MECOM: variants seen among roughly 807,000 people sequenced by gnomAD.
The protein encoded by MECOM is MDS1 and EVI1 complex locus.
A neutral mutation model predicts 116.3 loss-of-function variants in MECOM; 13 were observed. The ratio of observed to expected loss-of-function variants is 0.11; its 90% CI spans 0.07 to 0.18. The LOEUF (loss-of-function observed/expected upper bound fraction) is 0.18, where lower values mean the gene tolerates loss of function less well. Ranked by LOEUF, MECOM falls within the 10% of genes least tolerant of loss-of-function variation. The pLI, the probability that MECOM is intolerant of heterozygous loss-of-function variation, is 1.00. For synonymous variants in MECOM, 528 were observed against 535.2 expected (o/e 0.99, Z 0.19); for missense variants, 1,299 against 1,509.0 (o/e 0.86, Z 2.31).
chr3:169,237,751 C>G (rs1253910456), intron 2 of MECOM, among the ~76,000 whole-genome samples: 1 of 151,886 alleles, frequency 6.6e-6, no homozygotes, highest in Non-Finnish European at 1.5e-5. Flanking sequence ...AGTAAATATA[C>G]TAGCTAACTT....
At chr3:169,615,549 T>C (rs1769894752) in intron 1 of MECOM, among the ~76,000 whole-genome samples, 1 of 152,200 alleles carries the variant, frequency 6.6e-6, no homozygotes, top group Non-Finnish European at 1.5e-5. Context: ...CAAAAATCCA[T>C]AAGATTACTC....
chr3:169,319,558 A>AT (rs1472702188), intron 2 of MECOM, among the ~76,000 whole-genome samples: 1 of 104,624 alleles, frequency 9.6e-6, no homozygotes, highest in Non-Finnish European at 1.8e-5. Context: ...TTAAAGTATA[A>AT]TAAAAAAAAA....
At chr3:169,197,563 C>T (rs1748600820) in intron 2 of MECOM, among the ~76,000 whole-genome samples, 2 of 151,854 alleles carry the variant, frequency 1.3e-5, no homozygotes, top group African/African-American at 4.8e-5. Context: ...ACTTCAAATG[C>T]TATGCTTTTA....
intron 9 of MECOM, among the ~76,000 whole-genome samples, chr3:169,112,401 G>A (rs576123394): frequency 4.6e-5 from 7 of 152,148 alleles, no homozygotes; most frequent in East Asian, 3.9e-4. Flanking sequence ...ATCTAAGCCC[G>A]AAAAGAACAA....
intron 1 of MECOM, among the ~76,000 whole-genome samples, chr3:169,455,717 A>G (rs554354227): frequency 2.7e-4 from 41 of 152,332 alleles, no homozygotes; most frequent in African/African-American, 7.7e-4. Context: ...GAGAGCTCAT[A>G]TAACCTGCCA....
intron 1 of MECOM, among the ~76,000 whole-genome samples, chr3:169,475,619 G>A (rs942680900): frequency 1.6e-4 from 24 of 151,702 alleles, no homozygotes; most frequent in African/African-American, 5.6e-4. Flanking sequence ...GTCTTAAATC[G>A]GGTAGAAAAG....
intron 1 of MECOM, among the ~76,000 whole-genome samples, chr3:169,472,606 AG>A (rs1306431652): frequency 1.4e-5 from 1 of 72,132 alleles, no homozygotes; most frequent in Non-Finnish European, 2.5e-5. Flanking sequence ...AGGAAAGGAA[AG>A]GAAAGGAAAG....
chr3:169,540,217 G>T (rs1489357649), intron 1 of MECOM, among the ~76,000 whole-genome samples: 1 of 152,124 alleles, frequency 6.6e-6, no homozygotes, highest in East Asian at 1.9e-4. Context: ...TTCCTCTTCT[G>T]CTGTTACCTC....
intron 2 of MECOM, among the ~76,000 whole-genome samples, chr3:169,174,020 G>A (rs1180970409): frequency 2.0e-5 from 3 of 152,116 alleles, no homozygotes; most frequent in Non-Finnish European, 4.4e-5. Context: ...TTTGGCAAAT[G>A]TCTCTTTGCC....
chr3:169,109,946 T>A (rs1726785592), intron 9 of MECOM, among the ~76,000 whole-genome samples: 1 of 152,170 alleles, frequency 6.6e-6, no homozygotes, highest in Admixed American at 6.5e-5. Context: ...GCATCCTTCT[T>A]TCTTTTCCCT....
At position 169,090,122 on chromosome 3, in the gene MECOM, G is replaced by C; in HGVS notation, c.3279C>G (p.Asp1093Glu). ...DEVLLDEEDE[D>E]NDITGKTGKE... ...TTCCTGTTTTTCCAGTAATATCATT[G>C]TCTTCATCCTCCTCATCTAACAACA... The change falls in exon 15 of 17, where the codon GAC (aspartate) becomes GAG (glutamate). Residue 1093 changes from aspartate to glutamate, a missense_variant. By Grantham distance (45) the Asp-to-Glu change is conservative. Around this residue, in one of 6 missense-constraint regions of MECOM, gnomAD observed 273 missense variants for 289.3 expected, o/e 0.94. Coordinates refer to ENST00000651503, the MANE Select transcript of MECOM (RefSeq NM_004991.4). 6.2e-7 allele frequency: 1 copy of C among 1,612,844 alleles called. No individual in the cohort carries two copies. The highest frequency in any genetic ancestry group is 1.1e-5 in the South Asian group (1 of 91,018).
At chr3:169,343,394 A>G (rs1463960303) in intron 2 of MECOM, among the ~76,000 whole-genome samples, 3 of 152,240 alleles carry the variant, frequency 2.0e-5, no homozygotes, top group East Asian at 3.9e-4. Context: ...AGCTGCTTGA[A>G]AAGTGCAGTG....
chr3:169,137,961 G>A (rs1736873211), intron 3 of MECOM, among the ~76,000 whole-genome samples: 1 of 152,072 alleles, frequency 6.6e-6, no homozygotes. Context: ...TGTCTTTAAT[G>A]TGGTCATTTC....
At chr3:169,330,475 A>G (rs1314703399) in intron 2 of MECOM, among the ~76,000 whole-genome samples, 2 of 152,192 alleles carry the variant, frequency 1.3e-5, no homozygotes. Context: ...TGAGTTCCAC[A>G]GTAGAATTCA....
chr3:169,484,115 C>T, intron 1 of MECOM: 1 of 819,334 alleles, frequency 1.2e-6, no homozygotes, highest in South Asian at 1.5e-5. Flanking sequence ...TTCAATTTCT[C>T]TAGTAAACAA....
chr3:169,208,572 G>A (rs901505757), intron 2 of MECOM, among the ~76,000 whole-genome samples: 10 of 151,690 alleles, frequency 6.6e-5, no homozygotes, highest in African/African-American at 1.9e-4. Context: ...GACATATTTA[G>A]GCATATTTTA....
chr3:169,192,067 T>C (rs1053568668), intron 2 of MECOM, among the ~76,000 whole-genome samples: 2 of 152,040 alleles, frequency 1.3e-5, no homozygotes, highest in African/African-American at 4.8e-5. Context: ...TTTACTGGAC[T>C]GTTAAGGAAC....
chr3:169,367,348 A>ATTT (rs1393266824), intron 2 of MECOM, among the ~76,000 whole-genome samples: 1 of 82,980 alleles, frequency 1.2e-5, no homozygotes, highest in Non-Finnish European at 2.0e-5. Context: ...TTTGGTTTTT[A>ATTT]ATTTTTTTTT....
intron 2 of MECOM, among the ~76,000 whole-genome samples, chr3:169,173,242 G>T (rs1459828729): frequency 1.3e-5 from 2 of 151,956 alleles, no homozygotes; most frequent in African/African-American, 4.8e-5. Flanking sequence ...TACTTCTCTG[G>T]ATTATTTTTC....
Sources: gnomAD v4.1 joint callset for allele counts (sites outside exome capture counted in the v4.1 genomes callset) on GRCh38, gnomAD v4.1.1 for gene constraint, gnomAD v4.1.1 regional missense constraint, MANE v1.5 for transcripts, NCBI Gene and HGNC (gene_info 2026-07-23, HGNC 2026-07-21) for gene names.